Variants in SEMA5A observed in about 807,000 individuals in gnomAD.
The protein encoded by SEMA5A is semaphorin 5A.
Under a neutral mutation model 135.5 loss-of-function variants are expected in SEMA5A, and 55 were observed. The observed-to-expected ratio is 0.41, with a 90% CI of 0.33 to 0.51. The LOEUF (loss-of-function observed/expected upper bound fraction) is 0.51. SEMA5A is among the 20% of genes least tolerant of loss of function. SEMA5A has a pLI of 0.37. For synonymous variants in SEMA5A, 580 were observed against 546.5 expected, an observed-to-expected ratio of 1.06 and a Z score of -0.85; for missense variants, 1,290 against 1,419.9, an observed-to-expected ratio of 0.91 and a Z score of 1.47.
At chr5:9,522,569 C>T (rs911600496) in intron 1 of SEMA5A, among the ~76,000 whole-genome samples, 1 of 152,046 alleles carries the variant, frequency 6.6e-6, no homozygotes, top group Non-Finnish European at 1.5e-5. Flanking sequence ...AAGAGCAAAA[C>T]TCCATCTCAA....
At chr5:9,270,706 G>T (rs1268077397) in intron 5 of SEMA5A, among the ~76,000 whole-genome samples, 1 of 151,938 alleles carries the variant, frequency 6.6e-6, no homozygotes, top group Non-Finnish European at 1.5e-5. Flanking sequence ...GCAGCGGGTG[G>T]GGGCAGGGGG....
chr5:9,450,250 C>A (rs1412076333), intron 1 of SEMA5A, among the ~76,000 whole-genome samples: 1 of 152,124 alleles, frequency 6.6e-6, no homozygotes, highest in East Asian at 1.9e-4. Context: ...CGAGGCCAAC[C>A]CGGTGGCCAA....
chr5:9,508,210 T>C lies in SEMA5A; in HGVS notation c.-175+37374A>G, dbSNP rs115798874. On this transcript the variant is annotated intron_variant, in intron 1 of 22. Coordinates refer to ENST00000382496, the MANE Select transcript of SEMA5A (RefSeq NM_003966.3). ...TATGCTTTCTCCACTGTTTCTCATT[T>C]TGGTCACTAGAGCACCTGTTCTATG... 5.4e-3 allele frequency among the ~76,000 whole-genome samples: 820 copies of C among 152,210 alleles called. 14 individuals are homozygous for C. Among genetic ancestry groups the C allele is most frequent in the African/African-American group, 0.019 (774 of 41,532 alleles).
Position 9,278,039 on chromosome 5 carries a change from A to T in SEMA5A, c.271-40149T>A, listed in dbSNP as rs577032114. ...AAAATGTTTAAATTAAATTTTGGAG[A>T]TGTGTTTATTTTACTTTATCAGTAG... On this transcript the variant is annotated intron_variant, in intron 5 of 22. Coordinates refer to ENST00000382496, the MANE Select transcript of SEMA5A (RefSeq NM_003966.3). Among the ~76,000 whole-genome samples the T allele has an allele frequency of 9.2e-5, 14 of 152,028 alleles. No homozygotes were observed. In the East Asian group the frequency reaches 2.5e-3, roughly 27 times the overall value.
intron 2 of SEMA5A, among the ~76,000 whole-genome samples, chr5:9,408,630 A>G (rs569071330): frequency 3.3e-5 from 5 of 152,296 alleles, no homozygotes; most frequent in Admixed American, 2.0e-4. Context: ...CAGTTGATTT[A>G]TCCTCATAAC....
intron 6 of SEMA5A, 99 bp downstream of exon 6, chr5:9,237,729 G>T: frequency 9.6e-7 from 1 of 1,037,204 alleles, no homozygotes; most frequent in Admixed American, 2.1e-5. Context: ...CACTTTACAT[G>T]GCACCGTAAT....
intron 5 of SEMA5A, among the ~76,000 whole-genome samples, chr5:9,310,865 G>A (rs1752096160): frequency 6.8e-6 from 1 of 147,714 alleles, no homozygotes; most frequent in African/African-American, 2.5e-5. Flanking sequence ...TATATATATT[G>A]CATATATAAT....
chr5:9,132,154 C>A (rs1001259306), intron 13 of SEMA5A, among the ~76,000 whole-genome samples: 1 of 152,060 alleles, frequency 6.6e-6, no homozygotes, highest in Non-Finnish European at 1.5e-5. Context: ...ACTATAGAAA[C>A]CCATAAACAT....
intron 16 of SEMA5A, among the ~76,000 whole-genome samples, chr5:9,105,965 C>A (rs984401755): frequency 1.4e-4 from 22 of 152,050 alleles, no homozygotes; most frequent in Admixed American, 1.0e-3. Context: ...CCAAAGAAAC[C>A]GAGCCCTTCC....
At chr5:9,257,766 G>C (rs1304402507) in intron 5 of SEMA5A, among the ~76,000 whole-genome samples, 1 of 152,036 alleles carries the variant, frequency 6.6e-6, no homozygotes, top group Non-Finnish European at 1.5e-5. Context: ...GGTGGTCAGG[G>C]CTTGCAGATG....
At chr5:9,099,031 T>A (rs1739478868) in intron 16 of SEMA5A, among the ~76,000 whole-genome samples, 1 of 152,124 alleles carries the variant, frequency 6.6e-6, no homozygotes, top group South Asian at 2.1e-4. Context: ...AATAAAACAT[T>A]TTTGTGAAAT....
rs563462201 is a variant in SEMA5A, at chr5:9,484,285, A to G, written c.-174-46433T>C. ...GTTCTTACAGTCATTTGACAAATAC[A>G]TCAACAAGAATTAGCCACCAACATG... On this transcript the variant is annotated intron_variant, in intron 1 of 22. Transcript: ENST00000382496. 8.1e-4 allele frequency among the ~76,000 whole-genome samples: 123 copies of G among 152,266 alleles called. 3 individuals carry two copies. Among genetic ancestry groups the G allele is most frequent in the Admixed American group, 2.6e-4 (4 of 15,290 alleles).
intron 18 of SEMA5A, among the ~76,000 whole-genome samples, chr5:9,055,879 T>TA (rs11291379): frequency 8.8e-5 from 13 of 147,266 alleles, no homozygotes; most frequent in Non-Finnish European, 1.8e-4. Flanking sequence ...CTTTAAAAAT[T>TA]AAAAAAAAAA....
intron 5 of SEMA5A, among the ~76,000 whole-genome samples, chr5:9,302,965 G>A (rs1340783803): frequency 6.6e-6 from 1 of 151,942 alleles, no homozygotes; most frequent in East Asian, 1.9e-4. Flanking sequence ...GCATATATAT[G>A]ACAGACAATT....
chr5:9,285,386 A>G (rs921086851), intron 5 of SEMA5A, among the ~76,000 whole-genome samples: 1 of 152,204 alleles, frequency 6.6e-6, no homozygotes. Flanking sequence ...GAACCCGCCA[A>G]GACAGTGGCC....
chr5:9,284,106 T>TAGAGAGAGAGAGAGAGAGAG (rs3034563), intron 5 of SEMA5A, among the ~76,000 whole-genome samples: 19 of 148,594 alleles, frequency 1.3e-4, no homozygotes, highest in African/African-American at 4.5e-4. Context: ...AGATAGATAT[T>TAGAGAGAGAGAGAGAGAGAG]AGAGAGAGAG....
intron 12 of SEMA5A, among the ~76,000 whole-genome samples, chr5:9,154,063 ATATATATAT>A (rs1273640014): frequency 2.3e-4 from 17 of 75,520 alleles, no homozygotes; most frequent in South Asian, 1.1e-3. Flanking sequence ...AAAAAAAAAA[ATATATATAT>A]ATATATATAT....
intron 3 of SEMA5A, among the ~76,000 whole-genome samples, chr5:9,342,152 T>C (rs939420746): frequency 1.1e-4 from 16 of 151,810 alleles, no homozygotes; most frequent in Non-Finnish European, 1.6e-4. Flanking sequence ...GGGTAAAAGC[T>C]ACTCTTTTAA....
intron 18 of SEMA5A, among the ~76,000 whole-genome samples, chr5:9,062,629 C>T (rs936924934): frequency 2.0e-5 from 3 of 152,134 alleles, no homozygotes; most frequent in Non-Finnish European, 2.9e-5. Flanking sequence ...ACATACTTGG[C>T]TAATTTTTGT....
Sources: allele counts gnomAD v4.1 joint callset (sites outside exome capture counted in the v4.1 genomes callset), GRCh38; gene constraint gnomAD v4.1.1; transcripts MANE v1.5; gene names NCBI Gene and HGNC (gene_info 2026-07-23, HGNC 2026-07-21).